The following PARVB variants were observed in gnomAD, a reference collection of about 807,000 sequenced individuals.
PARVB encodes the protein parvin beta, also known as beta-parvin.
In PARVB, 46 loss-of-function variants were observed where a neutral mutation model predicts 47.0. The observed-to-expected ratio is 0.98, with a 90% CI of 0.77 to 1.25. The LOEUF (loss-of-function observed/expected upper bound fraction) is 1.25, where lower values mean the gene tolerates loss of function less well. PARVB is among the 50% of genes most tolerant of loss of function. The pLI, the probability that PARVB is intolerant of heterozygous loss-of-function variation, is 0.00. For missense variants in PARVB, 473 were observed against 471.6 expected (o/e 1.00, Z -0.03); for synonymous variants, 196 against 196.3 (o/e 1.00, Z 0.01).
intron 1 of PARVB, among the ~76,000 whole-genome samples, chr22:44,091,988 C>G (rs559582073): frequency 3.3e-5 from 5 of 152,216 alleles, no homozygotes; most frequent in African/African-American, 1.2e-4. Flanking sequence ...TCCTGAGAGT[C>G]CCATCACGTG....
chr22:44,128,014 C>G (rs1407826616), intron 4 of PARVB, among the ~76,000 whole-genome samples: 1 of 152,156 alleles, frequency 6.6e-6, no homozygotes, highest in Admixed American at 6.5e-5. Flanking sequence ...TTGAACTGGG[C>G]TCAAACGATC....
upstream of PARVB, among the ~76,000 whole-genome samples, chr22:44,023,546 A>AT (rs111359462): frequency 0.16 from 9,943 of 61,614 alleles, 529 homozygotes; most frequent in Middle Eastern, 0.27. Flanking sequence ...ACAAAATAAA[A>AT]TAAAATAAAA....
chr22:44,019,256 G>A (rs2050618977), intron 2 of PARVB, among the ~76,000 whole-genome samples: 1 of 151,026 alleles, frequency 6.6e-6, no homozygotes, highest in Non-Finnish European at 1.5e-5. Context: ...GTCTTTCTCT[G>A]TTGCCCAGGC....
chr22:44,157,301 C>A lies in PARVB; in HGVS notation c.844-681C>A, dbSNP rs141443365. Among the ~76,000 whole-genome samples the A allele has an allele frequency of 2.6e-3, 389 of 152,254 alleles. 1 individual carries two copies. The highest frequency in any genetic ancestry group is 9.0e-3 in the African/African-American group (372 of 41,562). Reference sequence around the variant, plus strand: ...CGTGTGCCAGGTGCTCCCTCCCAGCCGTCTCGCTGTGTCTTCACGACAGCC... The same window carrying A: ...CGTGTGCCAGGTGCTCCCTCCCAGCAGTCTCGCTGTGTCTTCACGACAGCC... On this transcript the variant is annotated intron_variant, in intron 10 of 12. Coordinates refer to ENST00000338758, the MANE Select transcript of PARVB (RefSeq NM_013327.5).
chr22:44,082,641 C>G (rs2147008598), intron 1 of PARVB, among the ~76,000 whole-genome samples: 1 of 152,316 alleles, frequency 6.6e-6, no homozygotes, highest in Non-Finnish European at 1.5e-5. Flanking sequence ...ACAAGAAGCT[C>G]ACCGGCCCCT....
chr22:44,008,093 TTTG>T (rs759140015), intron 2 of PARVB, among the ~76,000 whole-genome samples: 3 of 152,104 alleles, frequency 2.0e-5, no homozygotes, highest in Non-Finnish European at 2.9e-5. Context: ...ACAGGTTTTT[TTTG>T]TTGTTGTTGT....
At chr22:44,013,096 C>T (rs2050540186) in intron 2 of PARVB, among the ~76,000 whole-genome samples, 3 of 152,030 alleles carry the variant, frequency 2.0e-5, no homozygotes, top group Admixed American at 2.0e-4. Flanking sequence ...AAAGGTTTCA[C>T]CACGTTGGCC....
At chr22:44,097,114 C>T (rs2052326705) in intron 2 of PARVB, among the ~76,000 whole-genome samples, 1 of 152,010 alleles carries the variant, frequency 6.6e-6, no homozygotes, top group African/African-American at 2.4e-5. Context: ...AGTCACACAG[C>T]TCAGAGATGG....
At chr22:44,167,801 C>T (rs1018448210) in intron 12 of PARVB, among the ~76,000 whole-genome samples, 4 of 152,170 alleles carry the variant, frequency 2.6e-5, no homozygotes, top group African/African-American at 7.2e-5. Flanking sequence ...ACAGCACACT[C>T]GTGGGCAGGT....
At chr22:44,091,147 A>C (rs1472847096) in intron 1 of PARVB, among the ~76,000 whole-genome samples, 1 of 151,902 alleles carries the variant, frequency 6.6e-6, no homozygotes, top group Non-Finnish European at 1.5e-5. Context: ...TATGCTAAGG[A>C]TTTTGGAAAT....
At chr22:43,999,400 G>A (rs370646804) in exon 1 of PARVB, 257 of 1,609,990 alleles carry the variant, frequency 1.6e-4, no homozygotes, top group Non-Finnish European at 2.0e-4. Context: ...TTAGTCCAGA[G>A]AACAAAAACT....
At chr22:44,084,366 G>A (rs1198909543) in intron 1 of PARVB, among the ~76,000 whole-genome samples, 1 of 152,224 alleles carries the variant, frequency 6.6e-6, no homozygotes, top group East Asian at 1.9e-4. Flanking sequence ...TTGTTTGCCT[G>A]AAAGGATCAA....
Position 44,088,980 on chromosome 22 carries a change from G to A in PARVB, c.113-4948G>A, listed in dbSNP as rs535760005. On this transcript the variant is annotated intron_variant, in intron 1 of 12. Transcript: ENST00000338758. ...ATTAATGGCTCGTATTTATAAATGG[G>A]GAGATTCCACACCAAACCCCACATT... Among the ~76,000 whole-genome samples, 8 of 152,268 alleles carry A rather than the reference G, an allele frequency of 5.3e-5. No individual in the cohort carries two copies. The South Asian group carries it at 6.2e-4, about 12-fold the overall frequency.
At chr22:44,025,580 AG>A (rs780107677) in intron 1 of PARVB, among the ~76,000 whole-genome samples, 4 of 152,118 alleles carry the variant, frequency 2.6e-5, no homozygotes, top group Non-Finnish European at 5.9e-5. Context: ...CTGTTCCAAG[AG>A]GGCAGGGTCT....
At chr22:44,127,620 G>T (rs1315571517) in intron 4 of PARVB, among the ~76,000 whole-genome samples, 1 of 152,190 alleles carries the variant, frequency 6.6e-6, no homozygotes, top group Admixed American at 6.5e-5. Flanking sequence ...AGGAAGTTCT[G>T]GCAAAGGTCA....
intron 1 of PARVB, among the ~76,000 whole-genome samples, chr22:44,064,420 G>A (rs1393829471): frequency 2.6e-5 from 4 of 152,166 alleles, no homozygotes; most frequent in Non-Finnish European, 4.4e-5. Context: ...GGGCCTGGCC[G>A]AGTTCCCCAG....
upstream of PARVB, among the ~76,000 whole-genome samples, chr22:44,021,759 TCACA>T (rs3223605): frequency 0.094 from 9,617 of 101,980 alleles, 404 homozygotes; most frequent in Middle Eastern, 0.13. Flanking sequence ...AAGTCTAGAC[TCACA>T]CACACACACA....
intron 1 of PARVB, among the ~76,000 whole-genome samples, chr22:44,088,409 G>C (rs1237689551): frequency 1.3e-5 from 2 of 152,112 alleles, no homozygotes; most frequent in Non-Finnish European, 2.9e-5. Context: ...TCCTGACTCT[G>C]GGGCTTCACA....
intron 8 of PARVB, chr22:44,147,169 C>T (rs750718831): frequency 5.1e-5 from 9 of 175,926 alleles, no homozygotes; most frequent in African/African-American, 1.9e-4. Flanking sequence ...AGGAGGATAA[C>T]GCTGAGTCTG....
Sources: allele counts gnomAD v4.1 joint callset (sites outside exome capture counted in the v4.1 genomes callset), GRCh38; gene constraint gnomAD v4.1.1; transcripts MANE v1.5; gene names NCBI Gene and HGNC (gene_info 2026-07-23, HGNC 2026-07-21).